The following MAPKAP1 variants were observed in gnomAD, a reference collection of about 807,000 sequenced individuals.
MAPKAP1 encodes the protein MAPK associated protein 1.
A neutral mutation model predicts 65.7 loss-of-function variants in MAPKAP1; 20 were observed. The observed-to-expected ratio is 0.30, with a 90% CI of 0.21 to 0.44. The LOEUF is 0.44. Among genes scored for constraint, MAPKAP1 ranks in the 20% least tolerant of loss-of-function variants. The pLI, the probability that MAPKAP1 is intolerant of heterozygous loss-of-function variation, is 1.00. For synonymous variants in MAPKAP1, 222 were observed against 244.3 expected (o/e 0.91, Z 0.85); for missense variants, 423 against 648.0 (o/e 0.65, Z 3.77).
chr9:125,559,989 A>C (rs1425008415), intron 5 of MAPKAP1, among the ~76,000 whole-genome samples, 180 bp from the exon 6 acceptor site: 1 of 152,190 alleles, frequency 6.6e-6, no homozygotes, highest in East Asian at 1.9e-4. Context: ...ATGGCAATGC[A>C]AAGGGGAGAA....
At position 125,527,154 on chromosome 9, in the gene MAPKAP1, C is replaced by T. The variant is rs780469093; in HGVS notation, c.958+15905G>A. 9.0e-4 allele frequency among the ~76,000 whole-genome samples: 136 copies of T among 151,224 alleles called. 1 individual carries two copies. The highest frequency in any genetic ancestry group is 1.4e-3 in the Admixed American group (22 of 15,182). The stretch of plus-strand genomic sequence containing the variant: ...ATCTTGGCTCACTGCAAGCTCTGCC[C>T]GCCCCCAGGTTTAAGCAATTCTCTG... On this transcript the variant is annotated intron_variant, in intron 7 of 11. Coordinates refer to ENST00000265960, the MANE Select transcript of MAPKAP1 (RefSeq NM_001006617.3).
At chr9:125,551,144 T>C (rs1830572573) in intron 6 of MAPKAP1, among the ~76,000 whole-genome samples, 1 of 152,160 alleles carries the variant, frequency 6.6e-6, no homozygotes, top group African/African-American at 2.4e-5. Context: ...ATTGGAGGTA[T>C]GAAACTGAAT....
intron 5 of MAPKAP1, among the ~76,000 whole-genome samples, chr9:125,560,619 T>C (rs949197925): frequency 4.1e-4 from 62 of 152,026 alleles, no homozygotes; most frequent in Non-Finnish European, 2.1e-4. Flanking sequence ...AAGAAAATAT[T>C]TGTGCTCTAG....
intron 10 of MAPKAP1, among the ~76,000 whole-genome samples, chr9:125,463,799 A>C (rs1238163373): frequency 6.6e-6 from 1 of 152,252 alleles, no homozygotes; most frequent in Non-Finnish European, 1.5e-5. Flanking sequence ...ATCTATGCTT[A>C]ATTGAGATAC....
intron 5 of MAPKAP1, among the ~76,000 whole-genome samples, chr9:125,584,208 T>C (rs1237820200): frequency 6.6e-6 from 1 of 152,144 alleles, no homozygotes; most frequent in East Asian, 1.9e-4. Context: ...ACTGAACCAT[T>C]TTCTAAGCCT....
At chr9:125,536,177 T>C (rs1830068127) in intron 7 of MAPKAP1, among the ~76,000 whole-genome samples, 1 of 152,166 alleles carries the variant, frequency 6.6e-6, no homozygotes, top group South Asian at 2.1e-4. Context: ...ATTTCCAGGC[T>C]TTCTAGATAA....
intron 4 of MAPKAP1, among the ~76,000 whole-genome samples, chr9:125,626,955 T>C (rs539655519): frequency 9.9e-5 from 15 of 152,252 alleles, no homozygotes; most frequent in African/African-American, 2.7e-4. Context: ...ACTATCATCA[T>C]ATCCTTTTCA....
intron 7 of MAPKAP1, among the ~76,000 whole-genome samples, chr9:125,540,536 G>A (rs1186298674): frequency 1.3e-5 from 2 of 152,194 alleles, no homozygotes; most frequent in Non-Finnish European, 2.9e-5. Flanking sequence ...CTTCACTGAC[G>A]TTCAGTAAGG....
At chr9:125,581,309 C>T (rs564642753) in intron 5 of MAPKAP1, among the ~76,000 whole-genome samples, 5 of 152,350 alleles carry the variant, frequency 3.3e-5, no homozygotes, top group Non-Finnish European at 5.9e-5. Context: ...TACCATTTTA[C>T]ATTATCAACA....
At chr9:125,662,390 A>C (rs1834212073) in intron 3 of MAPKAP1, among the ~76,000 whole-genome samples, 1 of 151,902 alleles carries the variant, frequency 6.6e-6, no homozygotes, top group Admixed American at 6.6e-5. Context: ...TCAAAACAAA[A>C]ATTTTTTTCC....
intron 7 of MAPKAP1, among the ~76,000 whole-genome samples, chr9:125,513,887 C>T (rs576015272): frequency 1.3e-5 from 2 of 152,306 alleles, no homozygotes; most frequent in East Asian, 3.9e-4. Flanking sequence ...TGCTTTTAAG[C>T]TGCAGACGGC....
At chr9:125,528,536 G>A (rs904276074) in intron 7 of MAPKAP1, among the ~76,000 whole-genome samples, 1 of 152,180 alleles carries the variant, frequency 6.6e-6, no homozygotes. Flanking sequence ...GAGGACTCAA[G>A]GAAGTCTTTT....
intron 1 of MAPKAP1, among the ~76,000 whole-genome samples, chr9:125,680,024 T>G (rs1834774258): frequency 6.6e-6 from 1 of 152,288 alleles, no homozygotes; most frequent in African/African-American, 2.4e-5. Flanking sequence ...CACACTATTA[T>G]TGTACTTGAA....
At chr9:125,444,739 T>C in intron 10 of MAPKAP1, 141 bp from the exon 11 acceptor site, 1 of 575,112 alleles carries the variant, frequency 1.7e-6, no homozygotes, top group Non-Finnish European at 3.0e-6. Context: ...GAGTAGTTCG[T>C]TTTCTCATTA....
intron 4 of MAPKAP1, among the ~76,000 whole-genome samples, chr9:125,608,618 A>C (rs561301610): frequency 8.5e-5 from 13 of 152,332 alleles, no homozygotes; most frequent in African/African-American, 2.6e-4. Context: ...CCTGCTCTCC[A>C]GACAGCACCT....
At chr9:125,464,891 A>G (rs1564520353) in intron 10 of MAPKAP1, among the ~76,000 whole-genome samples, 1 of 152,250 alleles carries the variant, frequency 6.6e-6, no homozygotes, top group African/African-American at 2.4e-5. Flanking sequence ...ATGGTTTGAC[A>G]GCGGCTTTCT....
intron 10 of MAPKAP1, among the ~76,000 whole-genome samples, chr9:125,457,513 C>G (rs1223918689): frequency 6.6e-6 from 1 of 152,180 alleles, no homozygotes; most frequent in African/African-American, 2.4e-5. Context: ...ACACATGTTC[C>G]TGCTTCTTTG....
intron 4 of MAPKAP1, among the ~76,000 whole-genome samples, chr9:125,634,116 AGACCACT>A (rs1833360411): frequency 1.3e-5 from 2 of 152,222 alleles, no homozygotes; most frequent in African/African-American, 4.8e-5. Flanking sequence ...TGCTTTGCTA[AGACCACT>A]GTTAATTTGT....
intron 8 of MAPKAP1, among the ~76,000 whole-genome samples, chr9:125,497,956 G>A (rs1828857623): frequency 6.6e-6 from 1 of 152,228 alleles, no homozygotes; most frequent in East Asian, 1.9e-4. Context: ...ACATTTGGCA[G>A]ACAAGGGAAT....
Sources: allele counts gnomAD v4.1 joint callset (sites outside exome capture counted in the v4.1 genomes callset), GRCh38; gene constraint gnomAD v4.1.1; transcripts MANE v1.5; gene names NCBI Gene and HGNC (gene_info 2026-07-23, HGNC 2026-07-21).